The following MOGAT1 variants were observed in gnomAD, a reference collection of about 807,000 sequenced individuals.
MOGAT1 encodes the protein monoacylglycerol O-acyltransferase 1.
A neutral mutation model predicts 31.4 loss-of-function variants in MOGAT1; 32 were observed. The ratio of observed to expected loss-of-function variants is 1.02; its 90% CI spans 0.77 to 1.37. The LOEUF is 1.37. Ranked by LOEUF, MOGAT1 falls within the 40% of genes most tolerant of loss-of-function variation. MOGAT1 has a pLI of 0.00. For missense variants in MOGAT1, 426 were observed against 402.0 expected (o/e 1.06, Z -0.51); for synonymous variants, 145 against 144.5 (o/e 1.00, Z -0.03).
At chr2:222,677,745 C>T (rs930739045) in intron 1 of MOGAT1, 28 of 369,456 alleles carry the variant, frequency 7.6e-5, no homozygotes, top group Non-Finnish European at 1.5e-4. Flanking sequence ...AAGGAAGTTA[C>T]TGCTCTTGAA....
At chr2:222,677,262 A>C (rs536709354) in intron 1 of MOGAT1, among the ~76,000 whole-genome samples, 41 of 152,344 alleles carry the variant, frequency 2.7e-4, no homozygotes, top group African/African-American at 8.4e-4. Flanking sequence ...GTATGTTGTG[A>C]AGTATATTTG....
intron 5 of MOGAT1, among the ~76,000 whole-genome samples, chr2:222,697,417 T>G (rs979584282): frequency 6.6e-6 from 1 of 152,076 alleles, no homozygotes; most frequent in African/African-American, 2.4e-5. Context: ...AAATAGGAAC[T>G]GAAATAAAAC....
intron 5 of MOGAT1, among the ~76,000 whole-genome samples, chr2:222,705,420 T>C (rs965278546): frequency 2.0e-5 from 3 of 152,170 alleles, no homozygotes; most frequent in African/African-American, 7.2e-5. Flanking sequence ...CCTCCGACAA[T>C]AGGGCTAGGA....
At chr2:222,706,241 G>A (rs1693002275) in intron 5 of MOGAT1, among the ~76,000 whole-genome samples, 1 of 152,174 alleles carries the variant, frequency 6.6e-6, no homozygotes. Context: ...GGGAGGCCGA[G>A]GCAGGTGGAT....
chr2:222,705,623 G>T (rs1692994107), intron 5 of MOGAT1, among the ~76,000 whole-genome samples: 1 of 152,072 alleles, frequency 6.6e-6, no homozygotes, highest in African/African-American at 2.4e-5. Flanking sequence ...CCGTCATTCG[G>T]GTTTGTGGTG....
intron 1 of MOGAT1, among the ~76,000 whole-genome samples, chr2:222,683,559 C>T (rs1294970047): frequency 6.6e-6 from 1 of 152,004 alleles, no homozygotes; most frequent in Non-Finnish European, 1.5e-5. Context: ...GAAACCCCGC[C>T]TCTACTAAAA....
chr2:222,696,276 G>A (rs1484304883), intron 5 of MOGAT1, among the ~76,000 whole-genome samples: 1 of 152,200 alleles, frequency 6.6e-6, no homozygotes, highest in Non-Finnish European at 1.5e-5. Flanking sequence ...CCTCAGGGTA[G>A]ATACCCAGTA....
At chr2:222,706,955 C>G (rs1018783626) in intron 5 of MOGAT1, among the ~76,000 whole-genome samples, 1 of 152,128 alleles carries the variant, frequency 6.6e-6, no homozygotes, top group African/African-American at 2.4e-5. Context: ...CTTTGAGAGG[C>G]TGAGGCTGGT....
intron 1 of MOGAT1, among the ~76,000 whole-genome samples, chr2:222,675,561 G>A (rs1345264666): frequency 6.8e-6 from 1 of 147,584 alleles, no homozygotes; most frequent in Non-Finnish European, 1.5e-5. Context: ...CTCACTGCAA[G>A]CTCCGCCTCC....
At chr2:222,690,066 G>GCCACATGGCAAAA (rs1442115202) in intron 3 of MOGAT1, among the ~76,000 whole-genome samples, 1 of 152,078 alleles carries the variant, frequency 6.6e-6, no homozygotes, top group Non-Finnish European at 1.5e-5. Flanking sequence ...ACCAGCTTGG[G>GCCACATGGCAAAA]CCACATGGCA....
chr2:222,682,842 A>G (rs1283363198), intron 1 of MOGAT1, among the ~76,000 whole-genome samples: 2 of 152,234 alleles, frequency 1.3e-5, no homozygotes, highest in Admixed American at 6.5e-5. Flanking sequence ...ATGCTAAACA[A>G]AAGTCTACAA....
chr2:222,675,916 G>A (rs1337723100), intron 1 of MOGAT1, among the ~76,000 whole-genome samples: 2 of 152,080 alleles, frequency 1.3e-5, no homozygotes, highest in East Asian at 3.9e-4. Context: ...GTAAGGAGTT[G>A]ATACAATAGT....
In MOGAT1 at chr2:222,671,663, T is replaced by C; in HGVS notation, c.-123T>C. On this transcript the variant is annotated 5_prime_UTR_variant, in exon 1 of 6. Coordinates refer to ENST00000446656, the MANE Select transcript of MOGAT1 (RefSeq NM_058165.3). The stretch of plus-strand genomic sequence containing the variant: ...CCGCTCGCTGCCTAGCCTCTGCCTT[T>C]TCCTCTCCGCCCAGCCAGTGCCCAG... 1.2e-6 allele frequency: 1 copy of C among 816,528 alleles called. No individual in the cohort carries two copies. The highest frequency in any genetic ancestry group is 1.9e-6 in the Non-Finnish European group (1 of 516,554). 50.6% of individuals were successfully genotyped at this position (816,528 alleles called of 1,614,324 possible).
intron 5 of MOGAT1, among the ~76,000 whole-genome samples, chr2:222,709,353 T>TGAC (rs1319281184): frequency 1.3e-5 from 2 of 152,182 alleles, no homozygotes; most frequent in Non-Finnish European, 2.9e-5. Flanking sequence ...GACTGCCACG[T>TGAC]GACGTGAGGA....
chr2:222,673,432 C>A (rs1574967610), intron 1 of MOGAT1, among the ~76,000 whole-genome samples: 3 of 151,208 alleles, frequency 2.0e-5, no homozygotes, highest in South Asian at 4.2e-4. Flanking sequence ...ATGGAGATAA[C>A]AACACACGAC....
At chr2:222,679,558 C>T (rs573473757) in intron 1 of MOGAT1, among the ~76,000 whole-genome samples, 8 of 152,228 alleles carry the variant, frequency 5.3e-5, no homozygotes, top group Non-Finnish European at 1.0e-4. Flanking sequence ...TTCTCTTCCA[C>T]AGCCACAGTA....
chr2:222,707,325 G>A (rs1411656802), intron 5 of MOGAT1, among the ~76,000 whole-genome samples: 1 of 137,516 alleles, frequency 7.3e-6, no homozygotes, highest in East Asian at 2.1e-4. Flanking sequence ...GAAGGAAGGA[G>A]AAAGAAAGAA....
At position 222,671,859 on chromosome 2, in the gene MOGAT1, T is replaced by A. The variant is rs537710403; in HGVS notation, c.74T>A (p.Val25Asp). The A allele has an allele frequency of 1.3e-6, 2 of 1,551,112 alleles. No homozygotes were observed. The highest frequency in any genetic ancestry group is 2.4e-5 in the South Asian group (2 of 84,028). The change falls in exon 1 of 6, where the codon GTC (valine) becomes GAC (aspartate). Residue 25 changes from valine (V) to aspartate (D), a missense_variant. Coordinates refer to ENST00000446656, the MANE Select transcript of MOGAT1 (RefSeq NM_058165.3). ...CAGACGGTGGCCGTGCTGCAGTGGGTCCTGAAATACCTGCTGCTCGGTAAG... is the reference window on the plus strand; with the variant it reads ...CAGACGGTGGCCGTGCTGCAGTGGGACCTGAAATACCTGCTGCTCGGTAAG... Reference protein sequence around the residue: ...RLQTVAVLQWVLKYLLLGPMS... With the variant: ...RLQTVAVLQWDLKYLLLGPMS...
intron 1 of MOGAT1, among the ~76,000 whole-genome samples, chr2:222,682,741 C>T (rs1053118651): frequency 2.6e-5 from 4 of 152,064 alleles, no homozygotes; most frequent in Non-Finnish European, 5.9e-5. Flanking sequence ...GAATATTGTT[C>T]GGCTATAAAA....
Sources: allele counts gnomAD v4.1 joint callset (sites outside exome capture counted in the v4.1 genomes callset), GRCh38; gene constraint gnomAD v4.1.1; transcripts MANE v1.5; gene names NCBI Gene and HGNC (gene_info 2026-07-23, HGNC 2026-07-21).